The following TNFRSF8 variants were observed in gnomAD, a reference collection of about 807,000 sequenced individuals.
The protein encoded by TNFRSF8 is TNF receptor superfamily member 8, also known as tumor necrosis factor receptor superfamily member 8.
A neutral mutation model predicts 70.8 loss-of-function variants in TNFRSF8; 26 were observed. That is an observed-to-expected ratio of 0.37 (90% CI 0.27 to 0.51). The LOEUF (loss-of-function observed/expected upper bound fraction) is 0.51. Among genes scored for constraint, TNFRSF8 ranks in the 20% least tolerant of loss-of-function variants. TNFRSF8 has a pLI of 0.94. For missense variants in TNFRSF8, 720 were observed against 807.9 expected (o/e 0.89, Z 1.32); for synonymous variants, 356 against 339.2 (o/e 1.05, Z -0.54).
intron 13 of TNFRSF8, among the ~76,000 whole-genome samples, chr1:12,137,717 A>G (rs1222431253): frequency 1.3e-5 from 2 of 151,928 alleles, no homozygotes; most frequent in Non-Finnish European, 2.9e-5. Flanking sequence ...ACTTTCCAGG[A>G]TGTCGGGGCT....
rs1236905235 is a variant in TNFRSF8, at chr1:12,115,513, C to G, written c.794-64C>G. 3.8e-6 allele frequency: 6 copies of G among 1,567,528 alleles called. No individual in the cohort carries two copies. In the East Asian group the frequency reaches 6.7e-5, roughly 18 times the overall value. On this transcript the variant is annotated intron_variant, in intron 7 of 14. Transcript: ENST00000263932. ...AACTGCTTCTCTGTCTTCCTGGGGG[C>G]TCTCTGGACCCCCTGCCCTTGCCAT...
In TNFRSF8 at chr1:12,119,703, GC is replaced by G. The variant is rs2101020590; in HGVS notation, c.947-3580del. ...TGCAGCATTGAACTCCTGGGCTCGG[GC>G]GATCCTCCCACCTCAGCCTCCCACA... is the stretch of plus-strand genomic sequence containing the variant. On this transcript the variant is annotated intron_variant, in intron 8 of 14. Coordinates refer to ENST00000263932, the MANE Select transcript of TNFRSF8 (RefSeq NM_001243.5). The surrounding 1 kb of genome is among the most constrained non-coding windows in gnomAD (Gnocchi z 4.4). 6.6e-6 allele frequency among the ~76,000 whole-genome samples: 1 copy of G among 152,136 alleles called. No homozygotes were observed. The highest frequency in any genetic ancestry group is 1.9e-4 in the East Asian group (1 of 5,182).
intron 12 of TNFRSF8, among the ~76,000 whole-genome samples, chr1:12,129,041 G>T (rs1365853757): frequency 6.6e-6 from 1 of 151,496 alleles, no homozygotes; most frequent in African/African-American, 2.4e-5. Flanking sequence ...CACCGTGTTG[G>T]CCAGGCTGGT....
At position 12,135,305 on chromosome 1, in the gene TNFRSF8, G is replaced by C. The variant is rs1157735720; in HGVS notation, c.1310-283G>C. On this transcript the variant is annotated intron_variant, in intron 12 of 14. Coordinates refer to ENST00000263932, the MANE Select transcript of TNFRSF8 (RefSeq NM_001243.5). ...CACTCTAGCCTGGGTGACAGAGTGAGACTCCATCTCAAAAAAAAAAAAAAA... is the reference window on the plus strand; with the variant it reads ...CACTCTAGCCTGGGTGACAGAGTGACACTCCATCTCAAAAAAAAAAAAAAA... Among the ~76,000 whole-genome samples the C allele has an allele frequency of 3.6e-5, 4 of 111,216 alleles. No homozygotes were observed. In the East Asian group the frequency reaches 1.1e-3, roughly 31 times the overall value. The allele number at this position is 111,216 out of a possible 152,430, so 73.0% of individuals were successfully genotyped here.
chr1:12,133,315 A>G (rs1570080239), intron 12 of TNFRSF8, among the ~76,000 whole-genome samples: 3 of 128,686 alleles, frequency 2.3e-5, no homozygotes, highest in South Asian at 4.9e-4. Flanking sequence ...TTGTTTTGTT[A>G]CTTTGTCACA....
At chr1:12,067,919 A>C in intron 1 of TNFRSF8, among the ~76,000 whole-genome samples, 1 of 131,926 alleles carries the variant, frequency 7.6e-6, no homozygotes, top group Admixed American at 7.9e-5. Context: ...GGGGACCTGG[A>C]GAGGAGGGGA....
Position 12,113,664 on chromosome 1 carries a change from A to C in TNFRSF8, c.793+1650A>C, listed in dbSNP as rs1641674150. Among the ~76,000 whole-genome samples, 1 of 142,940 alleles carries C rather than the reference A, an allele frequency of 7.0e-6. No individual in the cohort carries two copies. Among genetic ancestry groups the C allele is most frequent in the Non-Finnish European group, 1.5e-5 (1 of 66,866 alleles). The allele number at this position is 142,940 out of a possible 152,430, so 93.8% of individuals were successfully genotyped here. On this transcript the variant is annotated intron_variant, in intron 7 of 14. Transcript: ENST00000263932. This position sits in a 1 kb window ranked among gnomAD's most constrained non-coding sequence, Gnocchi z 4.9. ...GAAAGAGAAAGAGACGGAGTGAGCG[A>C]GAGAGAGAGAGACAGAAAGACAGAA...
intron 1 of TNFRSF8, among the ~76,000 whole-genome samples, chr1:12,078,513 G>A (rs1348088820): frequency 6.6e-6 from 1 of 152,114 alleles, no homozygotes; most frequent in Non-Finnish European, 1.5e-5. Context: ...GCAGTGAGCC[G>A]AGATCGCACC....
At chr1:12,137,809 T>C (rs1270868310) in intron 13 of TNFRSF8, among the ~76,000 whole-genome samples, 1 of 152,008 alleles carries the variant, frequency 6.6e-6, no homozygotes, top group African/African-American at 2.4e-5. Flanking sequence ...GTGTGGGTTA[T>C]GGACCAGATG....
Position 12,109,932 on chromosome 1 carries a change from TGGGCCAA to T in TNFRSF8, c.513-103_513-97del. 7.3e-7 allele frequency: 1 copy of T among 1,365,640 alleles called. No individual in the cohort carries two copies. The highest frequency in any genetic ancestry group is 1.0e-6 in the Non-Finnish European group (1 of 995,402). The allele number at this position is 1,365,640 out of a possible 1,614,324, so 84.6% of individuals were successfully genotyped here. On this transcript the variant is annotated intron_variant, in intron 5 of 14. Coordinates refer to ENST00000263932, the MANE Select transcript of TNFRSF8 (RefSeq NM_001243.5). This position sits in a 1 kb window ranked among gnomAD's most constrained non-coding sequence, Gnocchi z 4.4. Reference sequence around the variant, plus strand: ...CTTACAGTGGGCCCGCCAGAGGCAGTGGGCCAAGGGCCTGGGACCCCATCTCTGTGGA... The same window carrying T: ...CTTACAGTGGGCCCGCCAGAGGCAGTGGGCCTGGGACCCCATCTCTGTGGA...
At chr1:12,095,653 C>T (rs542713009) in intron 2 of TNFRSF8, among the ~76,000 whole-genome samples, 1 of 152,350 alleles carries the variant, frequency 6.6e-6, no homozygotes, top group East Asian at 1.9e-4. Context: ...GATTCCTCTG[C>T]ATTCCTGCAT....
At chr1:12,117,409 T>C (rs551969075) in intron 8 of TNFRSF8, among the ~76,000 whole-genome samples, 3 of 152,238 alleles carry the variant, frequency 2.0e-5, no homozygotes, top group East Asian at 1.9e-4. Context: ...AGTCAGAACA[T>C]TGAAGGAATA....
chr1:12,138,342 GC>G lies in TNFRSF8; in HGVS notation c.1451del (p.Pro484ArgfsTer37). The G allele has an allele frequency of 6.2e-7, 1 of 1,613,810 alleles. No homozygotes were observed. The highest frequency in any genetic ancestry group is 8.5e-7 in the Non-Finnish European group (1 of 1,179,960). Reference protein sequence around the residue: ...SVGAAYLESLPLQDASPAGGP... With the variant: ...SVGAAYLESLXLQDASPAGGP... ...TGGGGGCAGCCTACCTGGAGAGCCTGCCGCTGCAGGATGCCAGCCCGGCCGG... is the reference window on the plus strand; with the variant it reads ...TGGGGGCAGCCTACCTGGAGAGCCTGCGCTGCAGGATGCCAGCCCGGCCGG... On this transcript the variant is annotated frameshift_variant, in exon 14 of 15. Coordinates refer to ENST00000263932, the MANE Select transcript of TNFRSF8 (RefSeq NM_001243.5). LOFTEE classifies it high-confidence loss of function. The surrounding 1 kb of genome is among the most constrained non-coding windows in gnomAD (Gnocchi z 5.7).
At position 12,063,556 on chromosome 1, in the gene TNFRSF8, G is replaced by C. The variant is rs1365971693; in HGVS notation, c.-43G>C. 5.4e-6 allele frequency: 7 copies of C among 1,299,942 alleles called. No homozygotes were observed. Among genetic ancestry groups the C allele is most frequent in the Non-Finnish European group, 6.9e-6 (7 of 1,018,262 alleles). The allele number at this position is 1,299,942 out of a possible 1,614,324, so 80.5% of individuals were successfully genotyped here. Reference sequence around the variant, plus strand: ...CGCCGCGCGCTTCCCCCGCTTCCCAGGTGGGCGCCGGCCGCCAGGCCACCT... The same window carrying C: ...CGCCGCGCGCTTCCCCCGCTTCCCACGTGGGCGCCGGCCGCCAGGCCACCT... On this transcript the variant is annotated 5_prime_UTR_variant, in exon 1 of 15. Coordinates refer to ENST00000263932, the MANE Select transcript of TNFRSF8 (RefSeq NM_001243.5). This position sits in a 1 kb window ranked among gnomAD's most constrained non-coding sequence, Gnocchi z 7.2.
At chr1:12,118,256 G>A (rs1251059372) in intron 8 of TNFRSF8, among the ~76,000 whole-genome samples, 2 of 151,910 alleles carry the variant, frequency 1.3e-5, no homozygotes, top group South Asian at 2.1e-4. Flanking sequence ...GATTACAGGC[G>A]TGCACCACCA....
intron 13 of TNFRSF8, 47 bp downstream of exon 13, chr1:12,135,660 C>T (rs1348590348): frequency 1.2e-6 from 2 of 1,610,400 alleles, no homozygotes; most frequent in East Asian, 2.2e-5. Context: ...GCCCCTAAAT[C>T]TGACTCCTTC....
intron 2 of TNFRSF8, among the ~76,000 whole-genome samples, chr1:12,085,550 C>G (rs1029094254): frequency 6.6e-6 from 1 of 152,198 alleles, no homozygotes; most frequent in African/African-American, 2.4e-5. Context: ...CCATGCCTGG[C>G]CTCTTTGCCG....
intron 3 of TNFRSF8, 53 bp from the exon 4 acceptor site, chr1:12,104,326 G>C: frequency 6.2e-7 from 1 of 1,604,540 alleles, no homozygotes; most frequent in South Asian, 1.1e-5. Context: ...AGAGCTATCT[G>C]GAGAGACGCC....
Position 12,113,107 on chromosome 1 carries a change from C to T in TNFRSF8, c.793+1093C>T, listed in dbSNP as rs1285160900. 1.3e-5 allele frequency among the ~76,000 whole-genome samples: 2 copies of T among 152,210 alleles called. No individual in the cohort carries two copies. Among genetic ancestry groups the T allele is most frequent in the African/African-American group, 2.4e-5 (1 of 41,448 alleles). On this transcript the variant is annotated intron_variant, in intron 7 of 14. Coordinates refer to ENST00000263932, the MANE Select transcript of TNFRSF8 (RefSeq NM_001243.5). The surrounding 1 kb of genome is among the most constrained non-coding windows in gnomAD (Gnocchi z 4.9). The stretch of plus-strand genomic sequence containing the variant: ...TGTGAGTCAGAATTCAGACAGGGCA[C>T]TGCGGGGACAGCTTGTCTCTGCTCC...
Sources: allele counts gnomAD v4.1 joint callset (sites outside exome capture counted in the v4.1 genomes callset), GRCh38; gene constraint gnomAD v4.1.1; non-coding constraint Gnocchi (gnomAD v3.1); transcripts MANE v1.5; gene names NCBI Gene and HGNC (gene_info 2026-07-23, HGNC 2026-07-21).